The following KLHL29 variants were observed in gnomAD, a reference collection of about 807,000 sequenced individuals.
The protein encoded by KLHL29 is kelch like family member 29.
In KLHL29, 21 loss-of-function variants were observed where a neutral mutation model predicts 80.4. The observed-to-expected ratio is 0.26, with a 90% confidence interval of 0.19 to 0.38. The LOEUF is 0.38. Ranked by LOEUF, KLHL29 falls within the 10% of genes least tolerant of loss-of-function variation. The pLI is 1.00. For synonymous variants in KLHL29, 511 were observed against 526.8 expected (o/e 0.97, Z 0.41); for missense variants, 867 against 1,223.9 (o/e 0.71, Z 4.35).
In KLHL29 at chr2:23,511,473, G is replaced by A. The variant is rs115515867; in HGVS notation, c.-46+35806G>A. 3.1e-3 allele frequency among the ~76,000 whole-genome samples: 468 copies of A among 152,300 alleles called. 3 individuals are homozygous for A. Among genetic ancestry groups the A allele is most frequent in the African/African-American group, 0.011 (445 of 41,554 alleles). ...GGAAGATGGGTCCCCATGGAGCGGGGAGTGTTAGGGAAGCAGTCCCTGGAA... is the reference window on the plus strand; with the variant it reads ...GGAAGATGGGTCCCCATGGAGCGGGAAGTGTTAGGGAAGCAGTCCCTGGAA... On this transcript the variant is annotated intron_variant, in intron 2 of 13. Transcript: ENST00000486442.
chr2:23,586,868 T>C (rs578038994), intron 3 of KLHL29, among the ~76,000 whole-genome samples: 84 of 152,264 alleles, frequency 5.5e-4, no homozygotes, highest in African/African-American at 1.9e-3. Flanking sequence ...GCACTGCCAG[T>C]GTCTGATTCC....
At chr2:23,575,120 G>C (rs994110990) in intron 3 of KLHL29, among the ~76,000 whole-genome samples, 1 of 152,214 alleles carries the variant, frequency 6.6e-6, no homozygotes, top group African/African-American at 2.4e-5. Flanking sequence ...GCTCGGAGCT[G>C]CCTGGCCGGC....
At chr2:23,441,488 T>G (rs546419799) in intron 1 of KLHL29, among the ~76,000 whole-genome samples, 4 of 129,108 alleles carry the variant, frequency 3.1e-5, no homozygotes, top group East Asian at 2.2e-4. Flanking sequence ...ATAAGAATAA[T>G]AATAATAATT....
chr2:23,495,584 C>T (rs948271478), intron 2 of KLHL29, among the ~76,000 whole-genome samples: 2 of 152,162 alleles, frequency 1.3e-5, no homozygotes, highest in Non-Finnish European at 2.9e-5. Context: ...TCTCCCAGCC[C>T]CCATTGGTCC....
At chr2:23,404,710 C>T (rs1043216666) in intron 1 of KLHL29, among the ~76,000 whole-genome samples, 2 of 152,224 alleles carry the variant, frequency 1.3e-5, no homozygotes, top group Non-Finnish European at 2.9e-5. Context: ...CCACTTAATA[C>T]GTCCTGCCGA....
At chr2:23,430,320 T>C (rs1480030759) in intron 1 of KLHL29, among the ~76,000 whole-genome samples, 2 of 152,234 alleles carry the variant, frequency 1.3e-5, no homozygotes, top group East Asian at 3.8e-4. Context: ...ACTGCTGCCT[T>C]GTGAAGACCT....
intron 2 of KLHL29, among the ~76,000 whole-genome samples, chr2:23,522,252 G>A (rs1003332479): frequency 3.3e-5 from 5 of 152,022 alleles, no homozygotes; most frequent in Admixed American, 1.3e-4. Flanking sequence ...CCAGGTTCAA[G>A]CAATTCTCCC....
intron 5 of KLHL29, among the ~76,000 whole-genome samples, chr2:23,679,178 TAACA>T (rs957895289): frequency 6.6e-6 from 1 of 152,200 alleles, no homozygotes; most frequent in Non-Finnish European, 1.5e-5. Context: ...TCTTGCTGCT[TAACA>T]AACAATTCTA....
At chr2:23,580,012 C>T (rs1254663545) in intron 3 of KLHL29, among the ~76,000 whole-genome samples, 1 of 152,210 alleles carries the variant, frequency 6.6e-6, no homozygotes, top group East Asian at 1.9e-4. Flanking sequence ...ATTGTGTGGC[C>T]TCTTTTTCCT....
At position 23,525,737 on chromosome 2, in the gene KLHL29, CCA is replaced by C. The variant is rs1491456883; in HGVS notation, c.-45-36413_-45-36412del. On this transcript the variant is annotated intron_variant, in intron 2 of 13. Coordinates refer to ENST00000486442, the MANE Select transcript of KLHL29 (RefSeq NM_052920.2). ...GAGCCCCAGCCCCTGCCCCCCCCCC[CCA>C]CCCGAGGCGAGCCAGCAGAGCCAGG... 8.8e-3 allele frequency among the ~76,000 whole-genome samples: 248 copies of C among 28,040 alleles called. 5 individuals are homozygous for C. Among genetic ancestry groups the C allele is most frequent in the African/African-American group, 0.048 (236 of 4,912 alleles). 18.4% of individuals were successfully genotyped at this position (28,040 alleles called of 152,430 possible). A position where few individuals can be genotyped will look rare whatever the true frequency, so the allele number is the denominator to read the frequency against.
intron 1 of KLHL29, among the ~76,000 whole-genome samples, chr2:23,396,558 TG>T (rs1666456633): frequency 6.6e-6 from 1 of 152,138 alleles, no homozygotes; most frequent in African/African-American, 2.4e-5. Context: ...ATTTGGAAGC[TG>T]GGCTGGTTGG....
rs1454960849 is a variant in KLHL29 at position 23,597,307 on chromosome 2, A to ATGTGTGTGTG, written c.285+34827_285+34828insGTGTGTGTGT. Among the ~76,000 whole-genome samples the ATGTGTGTGTG allele has an allele frequency of 9.8e-3, 1,040 of 106,448 alleles. 9 individuals are homozygous for ATGTGTGTGTG. The highest frequency in any genetic ancestry group is 0.017 in the African/African-American group (396 of 23,414). The allele number at this position is 106,448 out of a possible 152,430, so 69.8% of individuals were successfully genotyped here. ...ATCTCTCTCTCTCTCATATATATATATATGTGTGTGTGTGTGTGTGTGTGT... is the reference window on the plus strand; with the variant it reads ...ATCTCTCTCTCTCTCATATATATATATGTGTGTGTGTATGTGTGTGTGTGTGTGTGTGTGT... On this transcript the variant is annotated intron_variant, in intron 3 of 13. Coordinates refer to ENST00000486442, the MANE Select transcript of KLHL29 (RefSeq NM_052920.2).
At chr2:23,459,501 G>A (rs1157930084) in intron 1 of KLHL29, among the ~76,000 whole-genome samples, 1 of 152,164 alleles carries the variant, frequency 6.6e-6, no homozygotes, top group Non-Finnish European at 1.5e-5. Flanking sequence ...CTAATAGCCA[G>A]GGAGGCAGGG....
chr2:23,452,990 C>CTTTGTGTG (rs1663932533), intron 1 of KLHL29, among the ~76,000 whole-genome samples: 1 of 151,568 alleles, frequency 6.6e-6, no homozygotes, highest in Admixed American at 6.6e-5. Flanking sequence ...ACTGTGGTTT[C>CTTTGTGTG]TTTGTGTGTT....
intron 3 of KLHL29, among the ~76,000 whole-genome samples, chr2:23,611,428 GCC>G (rs1668869344): frequency 6.6e-6 from 1 of 152,130 alleles, no homozygotes; most frequent in Non-Finnish European, 1.5e-5. Flanking sequence ...TGCACACTGG[GCC>G]CTCTGAGGAG....
chr2:23,606,317 G>T (rs1183943799), intron 3 of KLHL29, among the ~76,000 whole-genome samples: 1 of 152,040 alleles, frequency 6.6e-6, no homozygotes, highest in Non-Finnish European at 1.5e-5. Context: ...AAGCTGGAAG[G>T]TCCTCCTCCC....
intron 1 of KLHL29, among the ~76,000 whole-genome samples, chr2:23,425,950 T>C (rs192497971): frequency 7.5e-4 from 114 of 152,298 alleles, no homozygotes; most frequent in African/African-American, 2.6e-3. Flanking sequence ...GCATGCTGTG[T>C]ATACATTCTC....
chr2:23,660,143 C>CT (rs1310494795), intron 5 of KLHL29, among the ~76,000 whole-genome samples: 1 of 152,184 alleles, frequency 6.6e-6, no homozygotes, highest in Non-Finnish European at 1.5e-5. Flanking sequence ...CAGGTCTCTT[C>CT]TCTGTGACTC....
chr2:23,705,832 G>A (rs1387425736), intron 13 of KLHL29, among the ~76,000 whole-genome samples: 1 of 152,204 alleles, frequency 6.6e-6, no homozygotes, highest in Admixed American at 6.5e-5. Context: ...AATGCATTAA[G>A]GGAGTCAGTG....
Sources: gnomAD v4.1 joint callset for allele counts (sites outside exome capture counted in the v4.1 genomes callset) on GRCh38, gnomAD v4.1.1 for gene constraint, MANE v1.5 for transcripts, NCBI Gene and HGNC (gene_info 2026-07-23, HGNC 2026-07-21) for gene names.